Variants in PTPRG observed in about 807,000 individuals in gnomAD.
PTPRG encodes the protein protein tyrosine phosphatase receptor type G.
A neutral mutation model predicts 165.3 loss-of-function variants in PTPRG; 102 were observed. That is an observed-to-expected ratio of 0.62 (90% CI 0.53 to 0.73). PTPRG has a LOEUF of 0.73. PTPRG is among the 30% of genes least tolerant of loss of function. The probability of loss-of-function intolerance (pLI) is 0.00; values close to 1 mark genes in which losing one functional copy is unlikely to be tolerated. For synonymous variants in PTPRG, 675 were observed against 669.5 expected (o/e 1.01, Z -0.13); for missense variants, 1,866 against 1,861.4 (o/e 1.00, Z -0.05).
chr3:62,030,979 G>T (rs1272442062), intron 4 of PTPRG, among the ~76,000 whole-genome samples: 2 of 152,134 alleles, frequency 1.3e-5, no homozygotes, highest in Non-Finnish European at 2.9e-5. Flanking sequence ...TTGCACTATT[G>T]TAAGAAATTC....
intron 2 of PTPRG, among the ~76,000 whole-genome samples, chr3:61,936,148 A>G (rs1416983582): frequency 1.3e-5 from 2 of 152,250 alleles, no homozygotes; most frequent in Admixed American, 6.5e-5. Flanking sequence ...ATCAGACATC[A>G]GTCCTGTTGG....
At chr3:62,197,441 T>C (rs1461528426) in intron 10 of PTPRG, among the ~76,000 whole-genome samples, 1 of 152,218 alleles carries the variant, frequency 6.6e-6, no homozygotes, top group Non-Finnish European at 1.5e-5. Flanking sequence ...CATCCTTCCA[T>C]TTAAACTAAT....
chr3:61,989,577 C>T (rs2040834788), intron 2 of PTPRG, 48 bp from the exon 3 acceptor site: 1 of 1,566,314 alleles, frequency 6.4e-7, no homozygotes, highest in Non-Finnish European at 8.7e-7. Flanking sequence ...TTCATTTCAT[C>T]CCTGACCCTT....
chr3:61,828,363 C>T (rs373932128), intron 2 of PTPRG, among the ~76,000 whole-genome samples: 15 of 152,176 alleles, frequency 9.9e-5, no homozygotes, highest in East Asian at 3.9e-4. Context: ...ATGTGTTGCA[C>T]AACTATAACA....
intron 2 of PTPRG, among the ~76,000 whole-genome samples, chr3:61,928,141 ATGT>A (rs2039272134): frequency 6.6e-6 from 1 of 152,154 alleles, no homozygotes; most frequent in South Asian, 2.1e-4. Context: ...ACACACAGTC[ATGT>A]TGTCTGTCAG....
intron 4 of PTPRG, among the ~76,000 whole-genome samples, chr3:62,071,981 T>G (rs2106730918): frequency 6.6e-6 from 1 of 152,320 alleles, no homozygotes; most frequent in African/African-American, 2.4e-5. Flanking sequence ...GTTTTCAGAT[T>G]TGTTGCTTTC....
At chr3:61,942,131 C>T in intron 2 of PTPRG, among the ~76,000 whole-genome samples, 1 of 150,408 alleles carries the variant, frequency 6.6e-6, no homozygotes, top group Non-Finnish European at 1.5e-5. Flanking sequence ...ACACTCCAGC[C>T]TGGGCAATAG....
intron 2 of PTPRG, chr3:61,769,746 G>A (rs73089565): frequency 6.6e-6 from 1 of 152,244 alleles, no homozygotes; most frequent in Non-Finnish European, 1.5e-5. Context: ...AAAAAAACTG[G>A]GCGTAGAGAG....
intron 2 of PTPRG, among the ~76,000 whole-genome samples, chr3:61,942,370 A>G (rs775065900): frequency 2.6e-5 from 4 of 152,122 alleles, no homozygotes; most frequent in Admixed American, 6.5e-5. Context: ...TGAAATGCCT[A>G]TTTTCTTCAT....
At chr3:62,085,806 C>A (rs1436200896) in intron 5 of PTPRG, among the ~76,000 whole-genome samples, 1 of 152,314 alleles carries the variant, frequency 6.6e-6, no homozygotes, top group East Asian at 1.9e-4. Context: ...GTTCACTCTG[C>A]ATATTTCTTA....
At chr3:61,611,739 A>G (rs1701174169) in intron 1 of PTPRG, among the ~76,000 whole-genome samples, 1 of 152,208 alleles carries the variant, frequency 6.6e-6, no homozygotes, top group African/African-American at 2.4e-5. Context: ...GTAGCCACAG[A>G]CAGTACATCA....
chr3:62,212,909 A>C (rs1264918945), intron 12 of PTPRG, among the ~76,000 whole-genome samples: 1 of 152,216 alleles, frequency 6.6e-6, no homozygotes, highest in Non-Finnish European at 1.5e-5. Context: ...CCAGTTCATA[A>C]CCCAAGTCAG....
chr3:62,089,868 A>G (rs1392634878), intron 5 of PTPRG, among the ~76,000 whole-genome samples: 2 of 152,228 alleles, frequency 1.3e-5, no homozygotes, highest in Non-Finnish European at 2.9e-5. Context: ...TCCAAAGTTG[A>G]TGTAAGCCAA....
In PTPRG at chr3:61,964,959, G is replaced by A. The variant is rs1029807153; in HGVS notation, c.191-24666G>A. Among the ~76,000 whole-genome samples the A allele has an allele frequency of 1.4e-4, 21 of 152,150 alleles. No homozygotes were observed. In the East Asian group the frequency reaches 1.6e-3, roughly 11 times the overall value. On this transcript the variant is annotated intron_variant, in intron 2 of 29. Transcript: ENST00000474889. ...TAATTTTGTAGTTAGTAAAGAATCCGGGGCCGGGTGCAGTCTCTCACGCCT... is the reference window on the plus strand; with the variant it reads ...TAATTTTGTAGTTAGTAAAGAATCCAGGGCCGGGTGCAGTCTCTCACGCCT...
intron 1 of PTPRG, among the ~76,000 whole-genome samples, chr3:61,636,751 G>C (rs1255343132): frequency 1.3e-5 from 2 of 152,144 alleles, no homozygotes; most frequent in African/African-American, 2.4e-5. Flanking sequence ...ATCATGAATA[G>C]TGCTGATCTA....
In PTPRG at chr3:61,732,005, TG is replaced by T. The variant is rs549440087; in HGVS notation, c.86-16872del. ...TCAATAGAGACGGGGGAGTTCACCA[TG>T]TTGGCCAGGCTGGTCTTGAACTCTT... On this transcript the variant is annotated intron_variant, in intron 1 of 29. Transcript: ENST00000474889. 2.9e-3 allele frequency among the ~76,000 whole-genome samples: 437 copies of T among 152,074 alleles called. 3 individuals carry two copies. Among genetic ancestry groups the T allele is most frequent in the African/African-American group, 0.01 (425 of 41,506 alleles).
intron 4 of PTPRG, among the ~76,000 whole-genome samples, chr3:62,018,812 A>G (rs11706803): frequency 0.061 from 9,231 of 152,234 alleles, 397 homozygotes; most frequent in Non-Finnish European, 0.088. Flanking sequence ...CAGTTATGGT[A>G]TGGATCAGTG....
chr3:61,848,560 C>G (rs1158107359), intron 2 of PTPRG, among the ~76,000 whole-genome samples: 1 of 152,160 alleles, frequency 6.6e-6, no homozygotes, highest in Non-Finnish European at 1.5e-5. Context: ...AGCAACTCAT[C>G]AGGTCTTGCA....
chr3:61,645,377 G>A (rs1056430505), intron 1 of PTPRG, among the ~76,000 whole-genome samples: 2 of 152,222 alleles, frequency 1.3e-5, no homozygotes, highest in South Asian at 2.1e-4. Flanking sequence ...GATGATTCCT[G>A]GTGGGATCCA....
Sources: gnomAD v4.1 joint callset for allele counts (sites outside exome capture counted in the v4.1 genomes callset) on GRCh38, gnomAD v4.1.1 for gene constraint, MANE v1.5 for transcripts, NCBI Gene and HGNC (gene_info 2026-07-23, HGNC 2026-07-21) for gene names.